BAAT: variants seen among roughly 807,000 people sequenced by gnomAD.
BAAT encodes bile acid-CoA:amino acid N-acyltransferase.
In BAAT, 13 loss-of-function variants were observed where a neutral mutation model predicts 18.9. That is an observed-to-expected ratio of 0.69 (90% CI 0.45 to 1.10). The LOEUF (loss-of-function observed/expected upper bound fraction) is 1.10, where lower values mean the gene tolerates loss of function less well. Ranked by LOEUF, BAAT falls within the 50% of genes least tolerant of loss-of-function variation. The pLI is 0.00. For missense variants in BAAT, 489 were observed against 504.0 expected, an observed-to-expected ratio of 0.97 and a Z score of 0.28; for synonymous variants, 170 against 190.7, an observed-to-expected ratio of 0.89 and a Z score of 0.89.
At chr9:101,380,172 T>C (rs1485533898) in intron 1 of BAAT, among the ~76,000 whole-genome samples, 2 of 152,208 alleles carry the variant, frequency 1.3e-5, no homozygotes, top group Non-Finnish European at 2.9e-5. Flanking sequence ...AGTTGACATC[T>C]GATTAATCCC....
At chr9:101,379,507 G>A (rs1830098643) in intron 1 of BAAT, among the ~76,000 whole-genome samples, 1 of 152,192 alleles carries the variant, frequency 6.6e-6, no homozygotes, top group Admixed American at 6.5e-5. Context: ...TATTCTTGCT[G>A]CACTTTATGC....
At chr9:101,369,925 A>G (rs866341261) in intron 2 of BAAT, among the ~76,000 whole-genome samples, 2 of 152,188 alleles carry the variant, frequency 1.3e-5, no homozygotes, top group South Asian at 2.1e-4. Context: ...GCGTTCTGAT[A>G]AGTTTTATAG....
At chr9:101,363,409 A>G (rs147728959) in intron 3 of BAAT, among the ~76,000 whole-genome samples, 8 of 152,250 alleles carry the variant, frequency 5.3e-5, no homozygotes, top group African/African-American at 1.9e-4. Context: ...AGAAAGTGAG[A>G]TCAGTAGGAT....
At chr9:101,379,231 C>T (rs1351779063) in intron 1 of BAAT, among the ~76,000 whole-genome samples, 2 of 152,160 alleles carry the variant, frequency 1.3e-5, no homozygotes, top group African/African-American at 4.8e-5. Context: ...CAACTCCTGA[C>T]CTCAGGTGAT....
intron 3 of BAAT, among the ~76,000 whole-genome samples, chr9:101,365,606 G>A (rs540846866): frequency 1.3e-4 from 19 of 151,646 alleles, no homozygotes; most frequent in African/African-American, 4.4e-4. Flanking sequence ...GCTCAATCTC[G>A]GCTCACTGCA....
chr9:101,366,281 G>A (rs1320428656), intron 3 of BAAT, among the ~76,000 whole-genome samples: 2 of 152,136 alleles, frequency 1.3e-5, no homozygotes, highest in African/African-American at 4.8e-5. Flanking sequence ...ATCTGTGCAG[G>A]CTTTTTAATA....
chr9:101,365,421 T>C (rs566251160), intron 3 of BAAT, among the ~76,000 whole-genome samples: 2 of 152,282 alleles, frequency 1.3e-5, no homozygotes, highest in Non-Finnish European at 2.9e-5. Context: ...GAGTCATATA[T>C]ACTCTCTATT....
chr9:101,383,185 C>A (rs1830157738), intron 1 of BAAT, among the ~76,000 whole-genome samples: 1 of 152,160 alleles, frequency 6.6e-6, no homozygotes, highest in Admixed American at 6.5e-5. Context: ...TTCTGATAGC[C>A]TTTCATTTTC....
rs138030260 is a variant in BAAT at position 101,383,977 on chromosome 9, C to T, written c.-60+878G>A. 2.5e-4 allele frequency among the ~76,000 whole-genome samples: 38 copies of T among 152,268 alleles called. No individual in the cohort carries two copies. In the East Asian group the frequency reaches 6.6e-3, roughly 26 times the overall value. On this transcript the variant is annotated intron_variant, in intron 1 of 3. Coordinates refer to ENST00000259407, the MANE Select transcript of BAAT (RefSeq NM_001701.4). ...GGGGAGGACCAAATCTCCTACTAAT[C>T]CTCCTCAACTAATTCACATGGTTTC... is the stretch of plus-strand genomic sequence containing the variant.
chr9:101,382,862 C>G (rs1302699656), intron 1 of BAAT, among the ~76,000 whole-genome samples: 4 of 152,180 alleles, frequency 2.6e-5, no homozygotes, highest in Non-Finnish European at 5.9e-5. Context: ...AACTTTAGCT[C>G]AAACTTATAC....
At chr9:101,365,892 T>C (rs2119018283) in intron 3 of BAAT, among the ~76,000 whole-genome samples, 1 of 152,332 alleles carries the variant, frequency 6.6e-6, no homozygotes, top group East Asian at 1.9e-4. Context: ...CATAATGTGA[T>C]ATTTCAGTGC....
At chr9:101,378,528 G>A (rs761329516) in intron 1 of BAAT, among the ~76,000 whole-genome samples, 3 of 152,210 alleles carry the variant, frequency 2.0e-5, no homozygotes, top group African/African-American at 4.8e-5. Context: ...CTAGCCATAT[G>A]CAGAAAATGG....
chr9:101,376,363 C>A, intron 1 of BAAT: 1 of 208,990 alleles, frequency 4.8e-6, no homozygotes, highest in South Asian at 9.0e-5. Flanking sequence ...AGGCATTACT[C>A]ATCCTCTGTG....
rs547626802 is a variant in BAAT, at chr9:101,365,867, T to C, written c.669+2253A>G. On this transcript the variant is annotated intron_variant, in intron 3 of 3. Coordinates refer to ENST00000259407, the MANE Select transcript of BAAT (RefSeq NM_001701.4). Reference sequence around the variant, plus strand: ...ATTTTTAATTGACAAATAATAATTATACATATTTATGGTGCATAATGTGAT... The same window carrying C: ...ATTTTTAATTGACAAATAATAATTACACATATTTATGGTGCATAATGTGAT... 7.2e-5 allele frequency among the ~76,000 whole-genome samples: 11 copies of C among 152,320 alleles called. No individual in the cohort carries two copies. The South Asian group carries it at 2.1e-3, about 29-fold the overall frequency.
rs1473110625 is a variant in BAAT at position 101,371,223 on chromosome 9, T to C, written c.182A>G (p.Asn61Ser). 4.3e-6 allele frequency: 7 copies of C among 1,613,614 alleles called. No homozygotes were observed. The highest frequency in any genetic ancestry group is 5.9e-6 in the Non-Finnish European group (7 of 1,179,686). ...ATCCCCTCCAAGTGAAGAAGCATGATTCAGGTCCACCTCACCGAATTCATT... is the reference window on the plus strand; with the variant it reads ...ATCCCCTCCAAGTGAAGAAGCATGACTCAGGTCCACCTCACCGAATTCATT... ...RANEFGEVDL[N>S]HASSLGGDYM... The change falls in exon 2 of 4, where the codon AAT (asparagine) becomes AGT (serine). Residue 61 changes from asparagine to serine, a missense_variant. By Grantham distance (46) the Asn-to-Ser change is conservative (BLOSUM62 1). Coordinates refer to ENST00000259407, the MANE Select transcript of BAAT (RefSeq NM_001701.4).
chr9:101,365,896 T>G (rs1346376852), intron 3 of BAAT, among the ~76,000 whole-genome samples: 1 of 152,206 alleles, frequency 6.6e-6, no homozygotes, highest in Non-Finnish European at 1.5e-5. Context: ...ATGTGATATT[T>G]CAGTGCATAT....
rs1829754392 is a variant in BAAT, at chr9:101,362,703, C to T, written c.982G>A (p.Asp328Asn). ...TGTGCTTTGCTGTTGATAGTCTTATCACCTTCTCCTACAATGAAGAGGAAT... is the reference window on the plus strand; with the variant it reads ...TGTGCTTTGCTGTTGATAGTCTTATTACCTTCTCCTACAATGAAGAGGAAT... Reference protein sequence around the residue: ...GQFLFIVGEGDKTINSKAHAE... With the variant: ...GQFLFIVGEGNKTINSKAHAE... Residue 328 changes from aspartate (D) to asparagine (N), a missense_variant, in exon 4 of 4, where the codon GAT (aspartate) becomes AAT (asparagine). Asp to Asn is a conservative substitution (Grantham distance 23, BLOSUM62 1). Coordinates refer to ENST00000259407, the MANE Select transcript of BAAT (RefSeq NM_001701.4). 3 of 1,614,190 alleles carry T rather than the reference C, an allele frequency of 1.9e-6. No individual in the cohort carries two copies. Among genetic ancestry groups the T allele is most frequent in the South Asian group, 2.2e-5 (2 of 91,084 alleles).
At position 101,381,387 on chromosome 9, in the gene BAAT, G is replaced by C. The variant is rs1030924585; in HGVS notation, c.-60+3468C>G. Among the ~76,000 whole-genome samples the C allele has an allele frequency of 5.9e-5, 9 of 152,078 alleles. No individual in the cohort carries two copies. In the East Asian group the frequency reaches 9.7e-4, roughly 16 times the overall value. On this transcript the variant is annotated intron_variant, in intron 1 of 3. Coordinates refer to ENST00000259407, the MANE Select transcript of BAAT (RefSeq NM_001701.4). ...AAAAAAGTAAAAATTAGCTGGGTGT[G>C]GTGGGGCAAACTTGTAGTCCCAGCT...
At chr9:101,369,644 G>T (rs1167850353) in intron 2 of BAAT, among the ~76,000 whole-genome samples, 1 of 152,154 alleles carries the variant, frequency 6.6e-6, no homozygotes. Flanking sequence ...TGGGATAATA[G>T]AGGCACAGCA....
Sources: allele counts gnomAD v4.1 joint callset (sites outside exome capture counted in the v4.1 genomes callset), GRCh38; gene constraint gnomAD v4.1.1; transcripts MANE v1.5; gene names NCBI Gene and HGNC (gene_info 2026-07-23, HGNC 2026-07-21).